Variants in OTOF observed in about 807,000 individuals in gnomAD.
The protein encoded by OTOF is fer-1-like family member 2.
A neutral mutation model predicts 236.8 loss-of-function variants in OTOF; 218 were observed. That is an observed-to-expected ratio of 0.92 (90% confidence interval 0.82 to 1.03). The LOEUF (loss-of-function observed/expected upper bound fraction) is 1.03. Among genes scored for constraint, OTOF ranks in the 50% least tolerant of loss-of-function variants. The pLI is 0.00. For missense variants in OTOF, 2,590 were observed against 2,694.4 expected (o/e 0.96, Z 0.86); for synonymous variants, 1,041 against 1,072.5 (o/e 0.97, Z 0.57).
intron 1 of OTOF, among the ~76,000 whole-genome samples, chr2:26,548,562 A>G (rs1156388319): frequency 1.3e-5 from 2 of 152,212 alleles, no homozygotes; most frequent in Admixed American, 6.5e-5. Context: ...TTTCGTATAC[A>G]TTCATGCACC....
At chr2:26,555,724 G>A (rs570477019) in intron 1 of OTOF, among the ~76,000 whole-genome samples, 5 of 152,224 alleles carry the variant, frequency 3.3e-5, no homozygotes, top group East Asian at 1.9e-4. Context: ...CCCCTTAGAC[G>A]TGCTCTCCTC....
chr2:26,473,983 C>G lies in OTOF; in HGVS notation c.3408+8G>C, dbSNP rs771739529. ...CCAAAAGGGAAGGGCCACACAGAGCCCTCGCACCTCCACTCGGTACTTGCT... is the reference window on the plus strand; with the variant it reads ...CCAAAAGGGAAGGGCCACACAGAGCGCTCGCACCTCCACTCGGTACTTGCT... On this transcript the variant is annotated splice_region_variant and intron_variant, in intron 27 of 46. Coordinates refer to ENST00000272371, the MANE Select transcript of OTOF (RefSeq NM_194248.3). This position sits in a 1 kb window ranked among gnomAD's most constrained non-coding sequence, Gnocchi z 7.2. 1.2e-6 allele frequency: 2 copies of G among 1,612,838 alleles called. No homozygotes were observed. Among genetic ancestry groups the G allele is most frequent in the Non-Finnish European group, 1.7e-6 (2 of 1,179,872 alleles).
At position 26,558,601 on chromosome 2, in the gene OTOF, C is replaced by T; in HGVS notation, c.-30G>A. 6.3e-7 allele frequency: 1 copy of T among 1,594,834 alleles called. No homozygotes were observed. The highest frequency in any genetic ancestry group is 8.6e-7 in the Non-Finnish European group (1 of 1,163,250). On this transcript the variant is annotated 5_prime_UTR_variant, in exon 1 of 47. Transcript: ENST00000272371. The stretch of plus-strand genomic sequence containing the variant: ...GTGTGGGCTGCCTGGCACTGCCAGG[C>T]AGGAGCAGCGGGAAGGAGCTAGCCG...
rs139013175 is a variant in OTOF, at chr2:26,517,590, T to G, written c.328-991A>C. Among the ~76,000 whole-genome samples, 1,061 of 152,294 alleles carry G rather than the reference T, an allele frequency of 7.0e-3. 7 individuals carry two copies. The highest frequency in any genetic ancestry group is 9.2e-3 in the Non-Finnish European group (623 of 68,012). ...CCAGGCTGCCTAACTCCAAGCCCCA[T>G]GTCCTTTCTGGAACAAATGGGACCC... On this transcript the variant is annotated intron_variant, in intron 4 of 46. Transcript: ENST00000272371.
intron 5 of OTOF, 53 bp from the exon 6 acceptor site, chr2:26,503,898 AAC>A: frequency 6.7e-7 from 1 of 1,481,942 alleles, no homozygotes. Flanking sequence ...CATGGAGGAA[AAC>A]ACACAAACAC....
chr2:26,545,051 A>AAAG (rs1667298693), intron 1 of OTOF, among the ~76,000 whole-genome samples: 1 of 151,516 alleles, frequency 6.6e-6, no homozygotes, highest in Non-Finnish European at 1.5e-5. Context: ...AAAAAAAAAA[A>AAAG]AAAAGAAAAG....
intron 1 of OTOF, among the ~76,000 whole-genome samples, chr2:26,538,117 C>A (rs1487464399): frequency 1.3e-5 from 2 of 152,258 alleles, no homozygotes; most frequent in Non-Finnish European, 2.9e-5. Context: ...CTCTCAGCCT[C>A]CTCTGCAGCC....
At chr2:26,492,211 T>C (rs1162819885) in intron 9 of OTOF, among the ~76,000 whole-genome samples, 1 of 152,142 alleles carries the variant, frequency 6.6e-6, no homozygotes, top group Admixed American at 6.5e-5. Context: ...ATTTGGCATG[T>C]CTGGAAACTT....
intron 3 of OTOF, among the ~76,000 whole-genome samples, chr2:26,524,694 T>C (rs939818): frequency 0.18 from 27,304 of 152,226 alleles, 3,118 homozygotes; most frequent in African/African-American, 0.32. Flanking sequence ...GATTTAACAA[T>C]GTCTTCCATG....
chr2:26,517,960 G>A (rs189952476), intron 4 of OTOF, among the ~76,000 whole-genome samples: 8 of 152,216 alleles, frequency 5.3e-5, no homozygotes, highest in African/African-American at 1.9e-4. Flanking sequence ...CCTTCCCATG[G>A]GTGTCCATAC....
chr2:26,522,151 C>G (rs1235536707), intron 3 of OTOF, among the ~76,000 whole-genome samples: 1 of 152,212 alleles, frequency 6.6e-6, no homozygotes, highest in East Asian at 1.9e-4. Flanking sequence ...TGCCACACCT[C>G]CAAGAGTGGC....
intron 2 of OTOF, among the ~76,000 whole-genome samples, chr2:26,535,480 C>T (rs1464587259): frequency 4.6e-5 from 7 of 152,134 alleles, no homozygotes; most frequent in Non-Finnish European, 1.0e-4. Flanking sequence ...CATCCTTGCT[C>T]CCCACCCCAC....
intron 39 of OTOF, 144 bp from the exon 40 acceptor site, chr2:26,464,250 G>T: frequency 1.9e-6 from 2 of 1,060,870 alleles, no homozygotes; most frequent in Non-Finnish European, 2.8e-6. Context: ...GGAAACTGAG[G>T]CACAGAAGGA....
rs567913664 is a variant in OTOF, at chr2:26,517,016, G to C, written c.328-417C>G. Among the ~76,000 whole-genome samples the C allele has an allele frequency of 5.9e-5, 9 of 152,296 alleles. No individual in the cohort carries two copies. The East Asian group carries it at 1.5e-3, about 26-fold the overall frequency. ...TGCCTGCAGGCATGAGGCGCGGCCC[G>C]CCAGAAATCGGCTTGTTGGAAATGG... On this transcript the variant is annotated intron_variant, in intron 4 of 46. Transcript: ENST00000272371.
At position 26,473,040 on chromosome 2, in the gene OTOF, ACT is replaced by A. The variant is rs1192945055; in HGVS notation, c.3733+90_3733+91del. The A allele has an allele frequency of 1.4e-6, 2 of 1,393,796 alleles. No homozygotes were observed. Among genetic ancestry groups the A allele is most frequent in the African/African-American group, 2.8e-5 (2 of 70,622 alleles). The allele number at this position is 1,393,796 out of a possible 1,614,324, so 86.3% of individuals were successfully genotyped here. On this transcript the variant is annotated intron_variant, in intron 29 of 46. Coordinates refer to ENST00000272371, the MANE Select transcript of OTOF (RefSeq NM_194248.3). The surrounding 1 kb of genome is among the most constrained non-coding windows in gnomAD (Gnocchi z 7.2). ...CCACCCCCTCGGCCCCAAAGAGCAA[ACT>A]CTGGTCGCGGCTTGGACTGGGCGGA...
At chr2:26,458,957 T>C (rs1664321158) in intron 46 of OTOF, among the ~76,000 whole-genome samples, 1 of 152,202 alleles carries the variant, frequency 6.6e-6, no homozygotes, top group Non-Finnish European at 1.5e-5. Context: ...GGCACCTCTA[T>C]CAACCTCGGT....
intron 3 of OTOF, among the ~76,000 whole-genome samples, chr2:26,524,092 G>C (rs886426717): frequency 6.6e-6 from 1 of 152,264 alleles, no homozygotes; most frequent in East Asian, 1.9e-4. Context: ...TCTCCCACCA[G>C]GCCTGGGCCT....
intron 10 of OTOF, 59 bp downstream of exon 10, chr2:26,489,619 T>C: frequency 7.0e-7 from 1 of 1,435,162 alleles, no homozygotes; most frequent in South Asian, 1.1e-5. Flanking sequence ...CTCTCAAGTC[T>C]GCACAAAGGT....
intron 5 of OTOF, among the ~76,000 whole-genome samples, chr2:26,504,147 G>A (rs966328378): frequency 3.9e-5 from 6 of 152,124 alleles, no homozygotes; most frequent in African/African-American, 1.2e-4. Context: ...CGTTTTAACT[G>A]GAGCTCCTCT....
Sources: gnomAD v4.1 joint callset for allele counts (sites outside exome capture counted in the v4.1 genomes callset) on GRCh38, gnomAD v4.1.1 for gene constraint, Gnocchi (gnomAD v3.1) non-coding constraint, MANE v1.5 for transcripts, NCBI Gene and HGNC (gene_info 2026-07-23, HGNC 2026-07-21) for gene names.